UGGT2: variants seen among roughly 807,000 people sequenced by gnomAD.
The protein encoded by UGGT2 is UDP-glucose:glycoprotein glucosyltransferase 2.
Under a neutral mutation model 192.1 loss-of-function variants are expected in UGGT2, and 180 were observed. That is an observed-to-expected ratio of 0.94 (90% CI 0.83 to 1.06). UGGT2 has a LOEUF of 1.06. UGGT2 is among the 50% of genes least tolerant of loss of function. The pLI is 0.00. For missense variants in UGGT2, 1,849 were observed against 1,795.7 expected (o/e 1.03, Z -0.54); for synonymous variants, 580 against 591.0 (o/e 0.98, Z 0.27).
In UGGT2 at chr13:95,883,498, G is replaced by A. The variant is rs200646393; in HGVS notation, c.3228+993C>T. On this transcript the variant is annotated intron_variant, in intron 27 of 38. Coordinates refer to ENST00000376747, the MANE Select transcript of UGGT2 (RefSeq NM_020121.4). ...TGTCTAATTGTAATCCCCACGTCAG[G>A]GGAGGGGCCTGGTGGGAGGTGATTG... Among the ~76,000 whole-genome samples, 5 of 152,120 alleles carry A rather than the reference G, an allele frequency of 3.3e-5. No individual in the cohort carries two copies. In the East Asian group the frequency reaches 9.7e-4, roughly 29 times the overall value.
At chr13:96,043,897 C>A (rs551213677) in intron 1 of UGGT2, among the ~76,000 whole-genome samples, 2 of 152,152 alleles carry the variant, frequency 1.3e-5, no homozygotes, top group South Asian at 4.1e-4. Context: ...ATGAGATACA[C>A]AGTAACAAAA....
At chr13:95,848,892 T>G (rs1356432049) in intron 36 of UGGT2, among the ~76,000 whole-genome samples, 1 of 152,246 alleles carries the variant, frequency 6.6e-6, no homozygotes, top group African/African-American at 2.4e-5. Context: ...TTGAGCAATT[T>G]AGTCTTCCTA....
At position 95,927,057 on chromosome 13, in the gene UGGT2, G is replaced by A. The variant is rs2049037179; in HGVS notation, c.2171C>T (p.Ala724Val). The A allele has an allele frequency of 1.2e-6, 2 of 1,609,902 alleles. No homozygotes were observed. Among genetic ancestry groups the A allele is most frequent in the African/African-American group, 1.3e-5 (1 of 74,680 alleles). ...TTGGGTTAAATAATACATGTTCTTT[G>A]CAATTACAGCACTCTTATCTTGTGA... The part of the protein sequence containing the change: ...LDSQDKSAVI[A>V]KNMYYLTQDD... Residue 724 changes from alanine to valine, a missense_variant, in exon 19 of 39, where the codon GCA becomes GTA. Coordinates refer to ENST00000376747, the MANE Select transcript of UGGT2 (RefSeq NM_020121.4).
intron 11 of UGGT2, among the ~76,000 whole-genome samples, chr13:95,972,090 C>T (rs1438713853): frequency 6.6e-6 from 1 of 151,648 alleles, no homozygotes; most frequent in Non-Finnish European, 1.5e-5. Flanking sequence ...GCAAGGACTT[C>T]CTAATTCTGT....
At chr13:95,849,511 C>T (rs1057189661) in intron 36 of UGGT2, among the ~76,000 whole-genome samples, 11 of 150,330 alleles carry the variant, frequency 7.3e-5, no homozygotes, top group Admixed American at 6.6e-5. Flanking sequence ...CCATTGCACT[C>T]CGGCCTGGGC....
chr13:95,837,086 C>T lies in UGGT2; in HGVS notation c.4401G>A (p.Leu1467=). 1 of 1,600,690 alleles carries T rather than the reference C, an allele frequency of 6.2e-7. No homozygotes were observed. Among genetic ancestry groups the T allele is most frequent in the Non-Finnish European group, 8.6e-7 (1 of 1,167,818 alleles). Reference sequence around the variant, plus strand: ...TACAAATGAAAACAAAGACACTCACCAGATCAATTGTTTTGGCTCTTTGTT... The same window carrying T: ...TACAAATGAAAACAAAGACACTCACTAGATCAATTGTTTTGGCTCTTTGTT... ...ESKQRAKTID[L]CNNPKTKESK... Residue 1467 remains leucine, a splice_region_variant and synonymous_variant, in exon 37 of 39, where the codon CTG becomes CTA. Coordinates refer to ENST00000376747, the MANE Select transcript of UGGT2 (RefSeq NM_020121.4).
At chr13:95,829,029 A>T (rs1886362306) in intron 38 of UGGT2, among the ~76,000 whole-genome samples, 1 of 152,218 alleles carries the variant, frequency 6.6e-6, no homozygotes, top group Admixed American at 6.5e-5. Context: ...ACAAATCAAT[A>T]AACGTAATCC....
intron 20 of UGGT2, among the ~76,000 whole-genome samples, chr13:95,909,802 A>AAAC (rs1353314246): frequency 4.9e-4 from 72 of 145,802 alleles, no homozygotes; most frequent in Non-Finnish European, 9.4e-4. Context: ...TGCCCACTAA[A>AAAC]AAAAAAAAAA....
chr13:95,982,454 C>T (rs2051156751), intron 10 of UGGT2, among the ~76,000 whole-genome samples: 1 of 152,142 alleles, frequency 6.6e-6, no homozygotes, highest in African/African-American at 2.4e-5. Context: ...ATGGCAGCAG[C>T]CAAGTGGAAA....
chr13:96,030,130 T>G (rs1441964767), intron 2 of UGGT2, among the ~76,000 whole-genome samples: 1 of 152,210 alleles, frequency 6.6e-6, no homozygotes, highest in Non-Finnish European at 1.5e-5. Context: ...TTCCGGTCTC[T>G]TCTACTCATT....
At chr13:96,006,056 T>C (rs371053577) in intron 5 of UGGT2, among the ~76,000 whole-genome samples, 82 of 152,168 alleles carry the variant, frequency 5.4e-4, no homozygotes, top group African/African-American at 1.8e-3. Context: ...AAGAAGTCAA[T>C]GGAACAAAAG....
At chr13:95,801,931 C>G (rs924490291) in intron 38 of UGGT2, 119 bp from the exon 39 acceptor site, 2 of 1,115,722 alleles carry the variant, frequency 1.8e-6, no homozygotes, top group Admixed American at 3.9e-5. Context: ...TTTGCTAGTT[C>G]AGTACCTATA....
intron 17 of UGGT2, among the ~76,000 whole-genome samples, chr13:95,930,700 A>C (rs775406557): frequency 6.6e-6 from 1 of 152,052 alleles, no homozygotes; most frequent in African/African-American, 2.4e-5. Flanking sequence ...CTGTGTCCGG[A>C]ATTGGTGGGT....
chr13:96,007,493 G>T (rs2052019102), intron 5 of UGGT2, among the ~76,000 whole-genome samples: 1 of 152,076 alleles, frequency 6.6e-6, no homozygotes, highest in Admixed American at 6.5e-5. Context: ...ATCCAAATTG[G>T]AAAGGAAGAA....
intron 5 of UGGT2, among the ~76,000 whole-genome samples, chr13:96,006,765 C>G (rs56077337): frequency 0.11 from 16,709 of 151,596 alleles, 1,043 homozygotes; most frequent in Middle Eastern, 0.2. Flanking sequence ...AGAAACTGAG[C>G]AGAACACTCA....
At chr13:95,855,904 A>C (rs535843726) in intron 34 of UGGT2, among the ~76,000 whole-genome samples, 1 of 152,278 alleles carries the variant, frequency 6.6e-6, no homozygotes, top group South Asian at 2.1e-4. Flanking sequence ...TTAGTTCTCA[A>C]ATGTAAAAAA....
intron 32 of UGGT2, chr13:95,859,988 A>G (rs1390653756): frequency 5.8e-6 from 1 of 172,042 alleles, no homozygotes; most frequent in African/African-American, 2.4e-5. Flanking sequence ...CCAGCTGTCC[A>G]TGACTGTGTG....
intron 1 of UGGT2, 114 bp from the exon 2 acceptor site, chr13:96,032,085 A>T: frequency 1.6e-6 from 1 of 617,254 alleles, no homozygotes; most frequent in South Asian, 2.7e-5. Flanking sequence ...AACCCCTAAA[A>T]ATTAATGTCA....
At chr13:95,907,307 A>G (rs528297713) in intron 20 of UGGT2, among the ~76,000 whole-genome samples, 1 of 152,336 alleles carries the variant, frequency 6.6e-6, no homozygotes, top group East Asian at 1.9e-4. Flanking sequence ...TACTGCCTCT[A>G]AACTCCACCT....
Sources: gnomAD v4.1 joint callset for allele counts (sites outside exome capture counted in the v4.1 genomes callset) on GRCh38, gnomAD v4.1.1 for gene constraint, MANE v1.5 for transcripts, NCBI Gene and HGNC (gene_info 2026-07-23, HGNC 2026-07-21) for gene names.